Variants in HIBCH observed in about 807,000 individuals in gnomAD.
HIBCH encodes the protein 3-hydroxyisobutyryl-CoA hydrolase.
Under a neutral mutation model 58.2 loss-of-function variants are expected in HIBCH, and 50 were observed. The ratio of observed to expected loss-of-function variants is 0.86; its 90% confidence interval spans 0.68 to 1.09. HIBCH has a LOEUF of 1.09. HIBCH is among the 50% of genes least tolerant of loss of function. The probability of loss-of-function intolerance (pLI) is 0.00; values close to 1 mark genes in which losing one functional copy is unlikely to be tolerated. For missense variants in HIBCH, 450 were observed against 449.7 expected (o/e 1.00, Z -0.01); for synonymous variants, 151 against 146.9 (o/e 1.03, Z -0.20).
Position 190,205,078 on chromosome 2 carries a change from C to A in HIBCH, c.*39G>T, listed in dbSNP as rs1690356891. ...ATTTGGCCCACATGCTGTAGATTGC[C>A]AACCCATGCTACAAAATATACCTTA... On this transcript the variant is annotated 3_prime_UTR_variant, in exon 14 of 14. Coordinates refer to ENST00000359678, the MANE Select transcript of HIBCH (RefSeq NM_014362.4). The A allele has an allele frequency of 8.6e-7, 1 of 1,158,896 alleles. No individual in the cohort carries two copies. The highest frequency in any genetic ancestry group is 1.8e-5 in the Admixed American group (1 of 56,916). The allele number at this position is 1,158,896 out of a possible 1,614,324, so 71.8% of individuals were successfully genotyped here.
chr2:190,268,300 A>G (rs1432343471), intron 6 of HIBCH, among the ~76,000 whole-genome samples: 1 of 152,186 alleles, frequency 6.6e-6, no homozygotes, highest in Non-Finnish European at 1.5e-5. Flanking sequence ...TGTCCCGAGC[A>G]CTCTGACATT....
chr2:190,250,765 A>C (rs1042218527), intron 8 of HIBCH, among the ~76,000 whole-genome samples: 6 of 152,190 alleles, frequency 3.9e-5, no homozygotes, highest in South Asian at 2.1e-4. Flanking sequence ...TCAATTTTGT[A>C]TGCTTCATAC....
chr2:190,253,165 C>T (rs1231163640), intron 7 of HIBCH, among the ~76,000 whole-genome samples: 2 of 152,176 alleles, frequency 1.3e-5, no homozygotes. Context: ...GCCTGGGCAA[C>T]AGAGCAAGAC....
At chr2:190,241,466 TTTAAGG>T (rs1367955938) in intron 11 of HIBCH, among the ~76,000 whole-genome samples, 1 of 152,228 alleles carries the variant, frequency 6.6e-6, no homozygotes, top group African/African-American at 2.4e-5. Context: ...CCCATTTACA[TTTAAGG>T]TTAATATGGT....
In HIBCH at chr2:190,197,805, G is replaced by C. The variant is rs1479775410; in HGVS notation, c.*17+7295C>G. Among the ~76,000 whole-genome samples the C allele has an allele frequency of 6.6e-6, 1 of 152,210 alleles. No individual in the cohort carries two copies. Among genetic ancestry groups the C allele is most frequent in the Non-Finnish European group, 1.5e-5 (1 of 68,030 alleles). ...ATCTGGCACTACTTTGTTAGGGTAA[G>C]AAAAAGCTGCTTTTGCAAAACAAAA... is the stretch of plus-strand genomic sequence containing the variant. On this transcript the variant is annotated intron_variant, in intron 1 of 1. Coordinates refer to the HIBCH transcript ENST00000399855. The surrounding 1 kb of genome is among the most constrained non-coding windows in gnomAD (Gnocchi z 4.0).
chr2:190,205,056 T>C lies in HIBCH; in HGVS notation c.*61A>G. The C allele has an allele frequency of 1.2e-6, 1 of 850,610 alleles. No homozygotes were observed. Among genetic ancestry groups the C allele is most frequent in the African/African-American group, 1.7e-5 (1 of 60,370 alleles). The allele number at this position is 850,610 out of a possible 1,614,324, so 52.7% of individuals were successfully genotyped here. On this transcript the variant is annotated 3_prime_UTR_variant, in exon 14 of 14. Coordinates refer to ENST00000359678, the MANE Select transcript of HIBCH (RefSeq NM_014362.4). ...ATAAAAACAGGCAGCAGGCTGGATT[T>C]GGCCCACATGCTGTAGATTGCCAAC...
chr2:190,294,022 G>GTGTATATATATA (rs755751586), intron 4 of HIBCH, among the ~76,000 whole-genome samples: 1,346 of 82,636 alleles, frequency 0.016, 15 homozygotes, highest in Middle Eastern at 0.028. Context: ...TATTTTGTGT[G>GTGTATATATATA]TATATATATA....
chr2:190,193,904 TTTCTA>T (rs1330904937), intron 1 of HIBCH, among the ~76,000 whole-genome samples: 1 of 152,204 alleles, frequency 6.6e-6, no homozygotes, highest in Non-Finnish European at 1.5e-5. Flanking sequence ...CTTTTCTTCT[TTTCTA>T]TTATAAGCAT....
At chr2:190,245,989 CAA>C (rs527873173) in intron 10 of HIBCH, among the ~76,000 whole-genome samples, 163 bp downstream of exon 10, 23 of 60,226 alleles carry the variant, frequency 3.8e-4, no homozygotes, top group Admixed American at 3.5e-4. Context: ...GACTCTGTCT[CAA>C]AAAAAAAAAA....
chr2:190,194,739 CCA>C (rs1689889720), intron 1 of HIBCH, among the ~76,000 whole-genome samples: 1 of 152,136 alleles, frequency 6.6e-6, no homozygotes, highest in African/African-American at 2.4e-5. Context: ...TTTACTGTCT[CCA>C]GAGTCTTGCC....
chr2:190,280,908 G>A (rs552221035), intron 6 of HIBCH: 1 of 152,248 alleles, frequency 6.6e-6, no homozygotes, highest in Admixed American at 6.5e-5. Context: ...TTAATAAACT[G>A]TCACTCCTGC....
intron 6 of HIBCH, among the ~76,000 whole-genome samples, chr2:190,276,276 A>G (rs1049186667): frequency 2.6e-5 from 4 of 152,166 alleles, no homozygotes; most frequent in Non-Finnish European, 5.9e-5. Context: ...CTCATACACT[A>G]TGTAAATGCC....
intron 7 of HIBCH, among the ~76,000 whole-genome samples, chr2:190,257,921 G>A (rs1387768548): frequency 3.9e-5 from 6 of 152,150 alleles, no homozygotes; most frequent in African/African-American, 1.2e-4. Flanking sequence ...TTTCCAACAC[G>A]TGAACTTCAG....
chr2:190,266,908 C>G (rs1687257305), intron 6 of HIBCH, among the ~76,000 whole-genome samples: 1 of 150,198 alleles, frequency 6.7e-6, no homozygotes, highest in Non-Finnish European at 1.5e-5. Context: ...AGGCGCCCAC[C>G]ACCACACCAG....
At chr2:190,313,401 G>C (rs146156591) in intron 1 of HIBCH, among the ~76,000 whole-genome samples, 1 of 152,140 alleles carries the variant, frequency 6.6e-6, no homozygotes, top group Non-Finnish European at 1.5e-5. Context: ...ACCCAAATGC[G>C]TAAGGGATAA....
At chr2:190,250,559 T>C in intron 8 of HIBCH, 1 of 257,868 alleles carries the variant, frequency 3.9e-6, no homozygotes, top group South Asian at 4.5e-5. Flanking sequence ...AGCTCTCTCG[T>C]ATCCTAAATT....
chr2:190,291,747 T>C (rs968405622), intron 4 of HIBCH, among the ~76,000 whole-genome samples: 2 of 152,228 alleles, frequency 1.3e-5, no homozygotes, highest in Non-Finnish European at 2.9e-5. Context: ...AATCTTCTAT[T>C]ACCCAGAGTT....
At chr2:190,225,589 A>G (rs1685865550) in intron 11 of HIBCH, among the ~76,000 whole-genome samples, 1 of 152,232 alleles carries the variant, frequency 6.6e-6, no homozygotes, top group South Asian at 2.1e-4. Context: ...AAGTCCTTGA[A>G]TAGACCAATA....
At chr2:190,227,386 G>A (rs1217613459) in intron 11 of HIBCH, among the ~76,000 whole-genome samples, 1 of 152,136 alleles carries the variant, frequency 6.6e-6, no homozygotes, top group Non-Finnish European at 1.5e-5. Context: ...GCTGAAACTG[G>A]ATCCCTTCCT....
Sources: allele counts gnomAD v4.1 joint callset (sites outside exome capture counted in the v4.1 genomes callset), GRCh38; gene constraint gnomAD v4.1.1; non-coding constraint Gnocchi (gnomAD v3.1); transcripts MANE v1.5; gene names NCBI Gene and HGNC (gene_info 2026-07-23, HGNC 2026-07-21).